TMIGD3: variants seen among roughly 807,000 people sequenced by gnomAD.
The protein encoded by TMIGD3 is AD026 protein (AD026).
TMIGD3 carries 21 observed loss-of-function variants against 28.1 expected under a neutral mutation model. That is an observed-to-expected ratio of 0.75 (90% confidence interval 0.53 to 1.08). The LOEUF is 1.08. Ranked by LOEUF, TMIGD3 falls within the 50% of genes least tolerant of loss-of-function variation. The pLI is 0.00. For synonymous variants in TMIGD3, 151 were observed against 162.1 expected (o/e 0.93, Z 0.52); for missense variants, 416 against 435.6 (o/e 0.96, Z 0.40).
At chr1:111,535,563 C>G (rs1388831834) in intron 1 of TMIGD3, among the ~76,000 whole-genome samples, 2 of 152,176 alleles carry the variant, frequency 1.3e-5, no homozygotes, top group Admixed American at 1.3e-4. Context: ...AAATGGTCAT[C>G]GTAGGCAGAG....
chr1:111,529,773 TACACAG>T (rs1656388211), intron 1 of TMIGD3, among the ~76,000 whole-genome samples: 7 of 151,842 alleles, frequency 4.6e-5, no homozygotes, highest in Admixed American at 4.6e-4. Context: ...TACCTCTTTC[TACACAG>T]ACACGGCAAC....
In TMIGD3 at chr1:111,492,401, C is replaced by A. The variant is rs77303836; in HGVS notation, c.351-1639G>T. 4.0e-3 allele frequency among the ~76,000 whole-genome samples: 603 copies of A among 152,282 alleles called. 1 individual carries two copies. Among genetic ancestry groups the A allele is most frequent in the African/African-American group, 0.014 (574 of 41,554 alleles). ...TTTAAGAGGCAGTCCTTATCTCTGA[C>A]AATACTTCATGCAAAACAAACACAC... is the stretch of plus-strand genomic sequence containing the variant. On this transcript the variant is annotated intron_variant, in intron 1 of 5. Coordinates refer to ENST00000369716, the MANE Select transcript of TMIGD3 (RefSeq NM_020683.7).
At chr1:111,486,483 A>T in intron 4 of TMIGD3, 103 bp downstream of exon 4, 1 of 816,284 alleles carries the variant, frequency 1.2e-6, no homozygotes, top group Non-Finnish European at 2.1e-6. Context: ...GCAGTAGAAA[A>T]GTTGTCGGTG....
At chr1:111,515,625 G>A (rs1280580239) in intron 1 of TMIGD3, among the ~76,000 whole-genome samples, 2 of 152,232 alleles carry the variant, frequency 1.3e-5, no homozygotes, top group Non-Finnish European at 2.9e-5. Context: ...GCTCCCCTGA[G>A]CCTGGGAAGG....
At chr1:111,524,028 CTTTTTT>C (rs35046603) in intron 1 of TMIGD3, among the ~76,000 whole-genome samples, 2,396 of 108,834 alleles carry the variant, frequency 0.022, 81 homozygotes, top group African/African-American at 0.076. Context: ...TCTTTCTTTT[CTTTTTT>C]TTTTTTTTTT....
intron 1 of TMIGD3, among the ~76,000 whole-genome samples, chr1:111,537,405 G>A (rs1217660424): frequency 1.3e-5 from 2 of 152,192 alleles, no homozygotes; most frequent in Non-Finnish European, 1.5e-5. Flanking sequence ...AGCTCTCCAC[G>A]GTGTTCAGTG....
At chr1:111,528,632 G>A (rs1656349487) in intron 1 of TMIGD3, among the ~76,000 whole-genome samples, 1 of 152,074 alleles carries the variant, frequency 6.6e-6, no homozygotes, top group African/African-American at 2.4e-5. Context: ...TGATAATATT[G>A]AGTCTTACTA....
intron 1 of TMIGD3, chr1:111,542,141 A>G (rs1467186260): frequency 1.9e-5 from 6 of 311,882 alleles, no homozygotes; most frequent in Non-Finnish European, 3.3e-5. Context: ...ACAAAGAACT[A>G]TCATGTTTTT....
chr1:111,520,265 C>A (rs1656012493), intron 1 of TMIGD3, among the ~76,000 whole-genome samples: 1 of 152,200 alleles, frequency 6.6e-6, no homozygotes, highest in African/African-American at 2.4e-5. Flanking sequence ...GTCCAAAGGC[C>A]TTGACAACCT....
intron 1 of TMIGD3, among the ~76,000 whole-genome samples, chr1:111,515,775 C>A (rs1357768675): frequency 6.6e-6 from 1 of 152,166 alleles, no homozygotes; most frequent in Non-Finnish European, 1.5e-5. Flanking sequence ...GCGGGACTGT[C>A]GACCTGATTC....
intron 1 of TMIGD3, among the ~76,000 whole-genome samples, chr1:111,545,078 G>A (rs1656984093): frequency 6.7e-6 from 1 of 149,104 alleles, no homozygotes; most frequent in South Asian, 2.1e-4. Flanking sequence ...ATCCAATTTG[G>A]TACATACCCA....
At chr1:111,563,352 T>C (rs1213646523) in intron 1 of TMIGD3, among the ~76,000 whole-genome samples, 1 of 152,212 alleles carries the variant, frequency 6.6e-6, no homozygotes, top group African/African-American at 2.4e-5. Context: ...TTACTGTCTA[T>C]CTGGGGAGAT....
In TMIGD3 at chr1:111,503,422, G is replaced by T; in HGVS notation, c.-68C>A. On this transcript the variant is annotated 5_prime_UTR_variant, in exon 1 of 6. Coordinates refer to ENST00000369716, the MANE Select transcript of TMIGD3 (RefSeq NM_020683.7). ...CAAGATCCGTCTGTAGGGCCAGTGGGCCTAGCTCTCGCCAGACGTCTTCCC... is the reference window on the plus strand; with the variant it reads ...CAAGATCCGTCTGTAGGGCCAGTGGTCCTAGCTCTCGCCAGACGTCTTCCC... 6.6e-7 allele frequency: 1 copy of T among 1,523,264 alleles called. No homozygotes were observed. The highest frequency in any genetic ancestry group is 8.8e-7 in the Non-Finnish European group (1 of 1,130,178). The allele number at this position is 1,523,264 out of a possible 1,614,324, so 94.4% of individuals were successfully genotyped here.
chr1:111,544,434 T>C (rs1007017610), intron 1 of TMIGD3, among the ~76,000 whole-genome samples: 2 of 152,230 alleles, frequency 1.3e-5, no homozygotes, highest in South Asian at 4.1e-4. Flanking sequence ...TTTGGACATT[T>C]CTATAGATGA....
At chr1:111,533,729 A>G (rs1656529258) in intron 1 of TMIGD3, among the ~76,000 whole-genome samples, 2 of 151,972 alleles carry the variant, frequency 1.3e-5, no homozygotes, top group South Asian at 4.1e-4. Context: ...AATTTTTTGT[A>G]TTTATCGTAA....
At chr1:111,523,206 CA>C (rs1020019860) in intron 1 of TMIGD3, among the ~76,000 whole-genome samples, 1 of 152,080 alleles carries the variant, frequency 6.6e-6, no homozygotes, top group African/African-American at 2.4e-5. Context: ...TGGATTTTGT[CA>C]AAAACTGTTT....
At chr1:111,504,759 T>A (rs1350412221), upstream of TMIGD3, 6 of 597,564 alleles carry the variant, frequency 1.0e-5, no homozygotes, top group Non-Finnish European at 1.3e-5. Flanking sequence ...TGCCTGGGGC[T>A]CATCAGGGTC....
In TMIGD3 at chr1:111,485,850, A is replaced by G. The variant is rs1203968409; in HGVS notation, c.873-10T>C. 4 of 1,593,374 alleles carry G rather than the reference A, an allele frequency of 2.5e-6. No individual in the cohort carries two copies. The African/African-American group carries it at 5.4e-5, about 22-fold the overall frequency. On this transcript the variant is annotated splice_polypyrimidine_tract_variant and intron_variant, in intron 4 of 5. Coordinates refer to ENST00000369716, the MANE Select transcript of TMIGD3 (RefSeq NM_020683.7). The stretch of plus-strand genomic sequence containing the variant: ...GATGAGAATGGACGTCCTAGAAGGA[A>G]CCACAGCAGATTTCATGTTGCTTGG...
intron 1 of TMIGD3, among the ~76,000 whole-genome samples, chr1:111,539,984 G>A (rs1426748120): frequency 6.6e-6 from 1 of 152,194 alleles, no homozygotes. Flanking sequence ...TAGGTACCTA[G>A]CTTTAGAAAC....
Sources: gnomAD v4.1 joint callset for allele counts (sites outside exome capture counted in the v4.1 genomes callset) on GRCh38, gnomAD v4.1.1 for gene constraint, MANE v1.5 for transcripts, NCBI Gene and HGNC (gene_info 2026-07-23, HGNC 2026-07-21) for gene names.